Variants in CNR2 observed in about 807,000 individuals in gnomAD.
CNR2 encodes cannabinoid receptor 2 (macrophage).
For missense variants in CNR2, 379 were observed against 439.9 expected, an observed-to-expected ratio of 0.86 and a Z score of 1.24; for synonymous variants, 172 against 182.2, an observed-to-expected ratio of 0.94 and a Z score of 0.45.
intron 1 of CNR2, among the ~76,000 whole-genome samples, chr1:23,886,625 G>A (rs1030258919): frequency 3.3e-5 from 5 of 152,302 alleles, no homozygotes; most frequent in Middle Eastern, 3.4e-3. Context: ...GACTGCAGGG[G>A]GATTCATATC....
chr1:23,894,123 T>A (rs1334047580), intron 1 of CNR2, among the ~76,000 whole-genome samples: 4 of 145,686 alleles, frequency 2.7e-5, no homozygotes, highest in African/African-American at 5.1e-5. Flanking sequence ...TGTCTCAAAT[T>A]AAAAAAAAAA....
Position 23,888,467 on chromosome 1 carries a change from C to T in CNR2, c.-45-12805G>A, listed in dbSNP as rs1330892577. On this transcript the variant is annotated intron_variant, in intron 1 of 1. Coordinates refer to ENST00000374472, the MANE Select transcript of CNR2 (RefSeq NM_001841.3). ...CATGGGTAGGCTTGGATGGGAGTAT[C>T]GGTCCTTTCGAGGCATATTTAAGAC... 3.9e-5 allele frequency among the ~76,000 whole-genome samples: 6 copies of T among 152,074 alleles called. No individual in the cohort carries two copies. The South Asian group carries it at 6.2e-4, about 16-fold the overall frequency.
At chr1:23,893,158 T>G (rs1189303976) in intron 1 of CNR2, among the ~76,000 whole-genome samples, 1 of 152,184 alleles carries the variant, frequency 6.6e-6, no homozygotes, top group Non-Finnish European at 1.5e-5. Flanking sequence ...AAGGATTCCA[T>G]CCCCAGCCTG....
chr1:23,875,866 C>T (rs533724600), intron 1 of CNR2, among the ~76,000 whole-genome samples: 19 of 151,980 alleles, frequency 1.3e-4, no homozygotes, highest in Admixed American at 2.0e-4. Context: ...AGGGGAGGTA[C>T]GTGGGAATGC....
chr1:23,880,911 A>G (rs936001916), intron 1 of CNR2, among the ~76,000 whole-genome samples: 5 of 149,622 alleles, frequency 3.3e-5, no homozygotes, highest in African/African-American at 1.2e-4. Context: ...AAATATAATT[A>G]TAAATATAAA....
chr1:23,888,213 C>T (rs1640122841), intron 1 of CNR2, among the ~76,000 whole-genome samples: 2 of 152,194 alleles, frequency 1.3e-5, no homozygotes, highest in African/African-American at 4.8e-5. Flanking sequence ...TTCGGTCTCT[C>T]TGGTTCCTTA....
chr1:23,894,331 G>A (rs531196785), intron 1 of CNR2, among the ~76,000 whole-genome samples: 46 of 152,146 alleles, frequency 3.0e-4, no homozygotes, highest in African/African-American at 1.1e-3. Flanking sequence ...TGAGGCAGGA[G>A]AATCACTTGA....
intron 1 of CNR2, chr1:23,902,838 T>C: frequency 1.6e-6 from 2 of 1,242,216 alleles, no homozygotes; most frequent in Non-Finnish European, 2.0e-6. Context: ...CCGGCCTTCC[T>C]GCCCACGGCG....
intron 1 of CNR2, among the ~76,000 whole-genome samples, chr1:23,891,478 G>A (rs964648523): frequency 2.0e-4 from 31 of 151,992 alleles, no homozygotes; most frequent in African/African-American, 7.3e-4. Context: ...AATTGGCCAA[G>A]TGTGGTGGTG....
Position 23,874,574 on chromosome 1 carries a change from C to G in CNR2, c.1044G>C (p.Pro348=). 1 of 1,613,980 alleles carries G rather than the reference C, an allele frequency of 6.2e-7. No homozygotes were observed. The highest frequency in any genetic ancestry group is 1.1e-5 in the South Asian group (1 of 91,068). ...TETEADGKIT[P]WPDSRDLDLS... ...GGTCTAGATCTCTGGAATCTGGCCA[C>G]GGAGTGATTTTCCCATCAGCCTCTG... Residue 348 remains proline (P), a synonymous_variant, in exon 2 of 2, where the codon CCG becomes CCC. Transcript: ENST00000374472.
At chr1:23,882,887 C>G (rs918785423) in intron 1 of CNR2, among the ~76,000 whole-genome samples, 7 of 151,838 alleles carry the variant, frequency 4.6e-5, no homozygotes, top group African/African-American at 1.7e-4. Context: ...CATCATGCAA[C>G]TCATGAAATT....
intron 1 of CNR2, among the ~76,000 whole-genome samples, chr1:23,884,100 GAC>G (rs1449006577): frequency 1.0e-4 from 9 of 89,546 alleles, no homozygotes; most frequent in African/African-American, 3.7e-4. Flanking sequence ...TTTTTTTTGA[GAC>G]AGAGTCTCAC....
At chr1:23,901,667 G>A (rs1459121252) in intron 1 of CNR2, 21 of 1,495,000 alleles carry the variant, frequency 1.4e-5, no homozygotes, top group East Asian at 6.8e-5. Context: ...AACCTGGACC[G>A]GGTGTTCAAA....
chr1:23,900,808 C>T (rs1307486815), intron 1 of CNR2, among the ~76,000 whole-genome samples: 1 of 152,060 alleles, frequency 6.6e-6, no homozygotes, highest in Non-Finnish European at 1.5e-5. Context: ...GCCTGGCCTC[C>T]CTAATCTCAT....
rs576804150 is a variant in CNR2 at position 23,900,565 on chromosome 1, G to A, written c.-46+12681C>T. On this transcript the variant is annotated intron_variant, in intron 1 of 1. Coordinates refer to ENST00000374472, the MANE Select transcript of CNR2 (RefSeq NM_001841.3). ...CTTGTTGCCCAGGCTAGGGTGCAAT[G>A]GTGCAATCTCGGCTCACTGAAACCT... is the stretch of plus-strand genomic sequence containing the variant. Among the ~76,000 whole-genome samples the A allele has an allele frequency of 4.8e-5, 7 of 144,412 alleles. No individual in the cohort carries two copies. The South Asian group carries it at 1.5e-3, about 32-fold the overall frequency. The allele number at this position is 144,412 out of a possible 152,430, so 94.7% of individuals were successfully genotyped here.
In CNR2 at chr1:23,872,495, C is replaced by G. The variant is rs1351494366; in HGVS notation, c.*2040G>C. 1 of 151,862 alleles carries G rather than the reference C, an allele frequency of 6.6e-6. No individual in the cohort carries two copies. Among genetic ancestry groups the G allele is most frequent in the Non-Finnish European group, 1.5e-5 (1 of 67,994 alleles). 9.4% of individuals were successfully genotyped at this position (151,862 alleles called of 1,614,324 possible). ...TGATGCTACAGATAGCTAATATTAT[C>G]CCTAATGAGCAATAATCAAGCAGAA... On this transcript the variant is annotated 3_prime_UTR_variant, in exon 2 of 2. Coordinates refer to ENST00000374472, the MANE Select transcript of CNR2 (RefSeq NM_001841.3).
At chr1:23,912,401 C>G (rs1040429778) in intron 1 of CNR2, among the ~76,000 whole-genome samples, 2 of 152,208 alleles carry the variant, frequency 1.3e-5, no homozygotes, top group African/African-American at 4.8e-5. Flanking sequence ...CCTCTGCCAG[C>G]CCCTGTCATT....
rs373993382 is a variant in CNR2 at position 23,875,159 on chromosome 1, G to C, written c.459C>G (p.Thr153=). The C allele has an allele frequency of 2.1e-5, 34 of 1,613,838 alleles. No individual in the cohort carries two copies. Among genetic ancestry groups the C allele is most frequent in the Non-Finnish European group, 2.7e-5 (32 of 1,179,860 alleles). Residue 153 remains threonine (T), a synonymous_variant, in exon 2 of 2, where the codon ACC becomes ACG. Transcript: ENST00000374472. The part of the protein sequence containing the change: ...ALLTRGRALV[T]LGIMWVLSAL... ...CTGAGAGGACCCACATGATGCCCAGGGTCACCAGTGCCCTTCCACGGGTGA... is the reference window on the plus strand; with the variant it reads ...CTGAGAGGACCCACATGATGCCCAGCGTCACCAGTGCCCTTCCACGGGTGA...
chr1:23,877,653 A>G (rs6424119), intron 1 of CNR2, among the ~76,000 whole-genome samples: 95,405 of 150,840 alleles, frequency 0.63, 30,556 homozygotes, highest in African/African-American at 0.75. Context: ...AAAAAAATAA[A>G]AAGAAAAAAA....
Sources: gnomAD v4.1 joint callset for allele counts (sites outside exome capture counted in the v4.1 genomes callset) on GRCh38, gnomAD v4.1.1 for gene constraint, MANE v1.5 for transcripts, NCBI Gene and HGNC (gene_info 2026-07-23, HGNC 2026-07-21) for gene names.